Variants in RPS6KA1 observed in about 807,000 individuals in gnomAD.
RPS6KA1 encodes ribosomal protein S6 kinase alpha-1.
RPS6KA1 carries 48 observed loss-of-function variants against 91.3 expected under a neutral mutation model. The ratio of observed to expected loss-of-function variants is 0.53; its 90% CI spans 0.42 to 0.67. The LOEUF (loss-of-function observed/expected upper bound fraction) is 0.67, where lower values mean the gene tolerates loss of function less well. Among genes scored for constraint, RPS6KA1 ranks in the 30% least tolerant of loss-of-function variants. The pLI, the probability that RPS6KA1 is intolerant of heterozygous loss-of-function variation, is 0.00. For synonymous variants in RPS6KA1, 359 were observed against 384.7 expected, an observed-to-expected ratio of 0.93 and a Z score of 0.78; for missense variants, 719 against 960.5, an observed-to-expected ratio of 0.75 and a Z score of 3.32.
chr1:26,554,149 T>C lies in RPS6KA1; in HGVS notation c.576-65T>C, dbSNP rs2076077613. ...GGGCTGAACCCAACTCCCACAGCCC[T>C]GTGGTAACACCATCACCCACACGGC... On this transcript the variant is annotated intron_variant, in intron 7 of 21. Transcript: ENST00000374168. This position sits in a 1 kb window ranked among gnomAD's most constrained non-coding sequence, Gnocchi z 4.6. 6.6e-7 allele frequency: 1 copy of C among 1,518,846 alleles called. No homozygotes were observed. Among genetic ancestry groups the C allele is most frequent in the African/African-American group, 1.4e-5 (1 of 72,592 alleles). 94.1% of individuals were successfully genotyped at this position (1,518,846 alleles called of 1,614,324 possible).
chr1:26,543,941 TCAG>T (rs1557493473), intron 2 of RPS6KA1: 2 of 395,816 alleles, frequency 5.1e-6, no homozygotes, highest in Non-Finnish European at 1.0e-5. Context: ...TGGGTCCCCC[TCAG>T]GTCTTGGCAT....
chr1:26,569,020 C>A (rs1381488669), intron 17 of RPS6KA1, among the ~76,000 whole-genome samples: 1 of 152,046 alleles, frequency 6.6e-6, no homozygotes, highest in East Asian at 1.9e-4. Flanking sequence ...CAGGGTGAAA[C>A]CCTGTTTCTA....
Position 26,556,919 on chromosome 1 carries a change from C to T in RPS6KA1, c.982-79C>T, listed in dbSNP as rs577333323. On this transcript the variant is annotated intron_variant, in intron 12 of 21. Coordinates refer to ENST00000374168, the MANE Select transcript of RPS6KA1 (RefSeq NM_002953.4). Reference sequence around the variant, plus strand: ...GGCAATATGGCCTATGTTCCAAGCCCAGCACCTCCTCCTGCATGGGGCTCC... The same window carrying T: ...GGCAATATGGCCTATGTTCCAAGCCTAGCACCTCCTCCTGCATGGGGCTCC... The T allele has an allele frequency of 9.0e-4, 1,145 of 1,275,288 alleles. 7 individuals carry two copies. The African/African-American group carries it at 0.015, about 17-fold the overall frequency. The allele number at this position is 1,275,288 out of a possible 1,614,324, so 79.0% of individuals were successfully genotyped here.
At position 26,540,845 on chromosome 1, in the gene RPS6KA1, C is replaced by A. The variant is rs1280079093; in HGVS notation, c.108+3876C>A. ...CACTTTTGTTGCCCAGGCTGGAGTG[C>A]AATGGCACGATCTTGGCTCACCACA... On this transcript the variant is annotated intron_variant, in intron 2 of 21. Coordinates refer to ENST00000374168, the MANE Select transcript of RPS6KA1 (RefSeq NM_002953.4). The surrounding 1 kb of genome is among the most constrained non-coding windows in gnomAD (Gnocchi z 4.2). Among the ~76,000 whole-genome samples the A allele has an allele frequency of 6.6e-6, 1 of 152,188 alleles. No homozygotes were observed.
intron 17 of RPS6KA1, among the ~76,000 whole-genome samples, chr1:26,563,537 T>G (rs184095152): frequency 1.3e-5 from 2 of 152,326 alleles, no homozygotes; most frequent in East Asian, 3.9e-4. Flanking sequence ...TCTTTTCTTC[T>G]TTTTTAAAAC....
In RPS6KA1 at chr1:26,571,431, C is replaced by A; in HGVS notation, c.1591-18C>A. 1 of 1,613,790 alleles carries A rather than the reference C, an allele frequency of 6.2e-7. No individual in the cohort carries two copies. Among genetic ancestry groups the A allele is most frequent in the African/African-American group, 1.3e-5 (1 of 75,038 alleles). ...CACCTCCCCACACTGAGAACTGACC[C>A]CAGCCCCCTGCCCCTAGGTTGTGCA... On this transcript the variant is annotated intron_variant, in intron 17 of 21. Transcript: ENST00000374168. This position sits in a 1 kb window ranked among gnomAD's most constrained non-coding sequence, Gnocchi z 5.1.
intron 6 of RPS6KA1, 95 bp from the exon 7 acceptor site, chr1:26,553,296 G>C: frequency 1.3e-6 from 1 of 768,190 alleles, no homozygotes; most frequent in East Asian, 2.6e-5. Flanking sequence ...TCCTCCCAGG[G>C]TGGCTCTTCA....
In RPS6KA1 at chr1:26,574,244, C is replaced by G. The variant is rs282179; in HGVS notation, c.*43C>G. 1,246,102 of 1,610,744 alleles carry G rather than the reference C, an allele frequency of 0.77. 483,220 individuals carry two copies. The highest frequency in any genetic ancestry group is 0.82 in the East Asian group (36,714 of 44,760). On this transcript the variant is annotated 3_prime_UTR_variant, in exon 22 of 22. Transcript: ENST00000374168. The surrounding 1 kb of genome is among the most constrained non-coding windows in gnomAD (Gnocchi z 4.3). ...GCCACAGGGCGGTGCTAGCTTGACA[C>G]AGTCAGCATGCTTCCCAGAGGGAGC...
chr1:26,561,631 G>T lies in RPS6KA1; in HGVS notation c.1558G>T (p.Gly520Cys). The T allele has an allele frequency of 6.2e-7, 1 of 1,612,576 alleles. No individual in the cohort carries two copies. The highest frequency in any genetic ancestry group is 1.1e-5 in the South Asian group (1 of 90,832). ...REASFVLHTI[G>C]KTVEYLHSQG... ...GGCCAGCTTTGTCCTGCACACCATT[G>T]GCAAAACTGTGGAGTATCTGCACTC... Residue 520 changes from glycine to cysteine, a missense_variant, in exon 17 of 22, where the codon GGC becomes TGC. Coordinates refer to ENST00000374168, the MANE Select transcript of RPS6KA1 (RefSeq NM_002953.4). This position sits in a 1 kb window ranked among gnomAD's most constrained non-coding sequence, Gnocchi z 5.7.
intron 17 of RPS6KA1, among the ~76,000 whole-genome samples, chr1:26,566,507 G>C (rs1329694954): frequency 1.3e-5 from 2 of 151,798 alleles, no homozygotes; most frequent in African/African-American, 4.8e-5. Context: ...AACTGTTCTC[G>C]AACTCCTGAC....
At position 26,551,546 on chromosome 1, in the gene RPS6KA1, T is replaced by C. The variant is rs576352557; in HGVS notation, c.388+69T>C. On this transcript the variant is annotated intron_variant, in intron 5 of 21. Transcript: ENST00000374168. The surrounding 1 kb of genome is among the most constrained non-coding windows in gnomAD (Gnocchi z 4.5). Reference sequence around the variant, plus strand: ...TCGCCCTTGCCTGTGGTCTGTACACTGTCCCACCGCCTGCCTGGCAGGCCA... The same window carrying C: ...TCGCCCTTGCCTGTGGTCTGTACACCGTCCCACCGCCTGCCTGGCAGGCCA... The C allele has an allele frequency of 1.2e-6, 2 of 1,600,388 alleles. No homozygotes were observed. The highest frequency in any genetic ancestry group is 1.7e-6 in the Non-Finnish European group (2 of 1,167,578).
chr1:26,565,718 C>T (rs1364866743), intron 17 of RPS6KA1, among the ~76,000 whole-genome samples: 3 of 146,878 alleles, frequency 2.0e-5, no homozygotes, highest in Admixed American at 6.7e-5. Flanking sequence ...CCTGCCACCA[C>T]ATCCAGCTAA....
Position 26,561,719 on chromosome 1 carries a change from G to C in RPS6KA1, c.1590+56G>C. 1 of 1,524,128 alleles carries C rather than the reference G, an allele frequency of 6.6e-7. No individual in the cohort carries two copies. Among genetic ancestry groups the C allele is most frequent in the Non-Finnish European group, 8.9e-7 (1 of 1,128,530 alleles). 94.4% of individuals were successfully genotyped at this position (1,524,128 alleles called of 1,614,324 possible). A position where few individuals can be genotyped will look rare whatever the true frequency, so the allele number is the denominator to read the frequency against. On this transcript the variant is annotated intron_variant, in intron 17 of 21. Coordinates refer to ENST00000374168, the MANE Select transcript of RPS6KA1 (RefSeq NM_002953.4). The surrounding 1 kb of genome is among the most constrained non-coding windows in gnomAD (Gnocchi z 5.7). The stretch of plus-strand genomic sequence containing the variant: ...GATGCCAAGGGTCATATCATCAGCA[G>C]AGAACATGAACCACCTGCTGGCCCA...
chr1:26,539,556 C>A (rs1266245261), intron 2 of RPS6KA1, among the ~76,000 whole-genome samples: 1 of 152,232 alleles, frequency 6.6e-6, no homozygotes, highest in African/African-American at 2.4e-5. Flanking sequence ...AAGCCTATTT[C>A]TCAGGGCTAC....
chr1:26,543,654 G>A (rs1448283213), intron 2 of RPS6KA1, among the ~76,000 whole-genome samples: 1 of 152,150 alleles, frequency 6.6e-6, no homozygotes, highest in Admixed American at 6.5e-5. Flanking sequence ...AAGGAGAAGG[G>A]GTTTTAGGCA....
rs534280389 is a variant in RPS6KA1, at chr1:26,547,545, G to A, written c.307+275G>A. 2.5e-6 allele frequency: 1 copy of A among 397,448 alleles called. No homozygotes were observed. The highest frequency in any genetic ancestry group is 2.4e-5 in the South Asian group (1 of 41,674). 24.6% of individuals were successfully genotyped at this position (397,448 alleles called of 1,614,324 possible). On this transcript the variant is annotated intron_variant, in intron 4 of 21. Transcript: ENST00000374168. The surrounding 1 kb of genome is among the most constrained non-coding windows in gnomAD (Gnocchi z 4.1). ...GGCGGGGCCCTCAACTACCAAGCTG[G>A]TCAAGCAGAGGCATTCTGACTGTTG...
At position 26,551,357 on chromosome 1, in the gene RPS6KA1, G is replaced by A. The variant is rs944395839; in HGVS notation, c.308-40G>A. 1.3e-5 allele frequency: 21 copies of A among 1,580,584 alleles called. No individual in the cohort carries two copies. The highest frequency in any genetic ancestry group is 1.8e-5 in the Non-Finnish European group (21 of 1,149,960). On this transcript the variant is annotated intron_variant, in intron 4 of 21. Transcript: ENST00000374168. The surrounding 1 kb of genome is among the most constrained non-coding windows in gnomAD (Gnocchi z 4.5). ...GGGGGCTTGGGAGTGGCTGTGTTGA[G>A]TGTCTAGGCTACTGGTGACTTCCTT...
chr1:26,531,592 A>T (rs774461407), intron 1 of RPS6KA1, among the ~76,000 whole-genome samples: 2 of 152,158 alleles, frequency 1.3e-5, no homozygotes, highest in Non-Finnish European at 2.9e-5. Flanking sequence ...TGGGAAACTC[A>T]TCTCAGTTTT....
chr1:26,573,030 T>C (rs968423720), intron 20 of RPS6KA1, among the ~76,000 whole-genome samples, 194 bp from the exon 21 acceptor site: 3 of 152,294 alleles, frequency 2.0e-5, no homozygotes, highest in African/African-American at 7.2e-5. Context: ...ACGAAGGGCC[T>C]AGAGCAGCAA....
Sources: allele counts gnomAD v4.1 joint callset (sites outside exome capture counted in the v4.1 genomes callset), GRCh38; gene constraint gnomAD v4.1.1; non-coding constraint Gnocchi (gnomAD v3.1); transcripts MANE v1.5; gene names NCBI Gene and HGNC (gene_info 2026-07-23, HGNC 2026-07-21).